Variants in ERC2 observed in about 807,000 individuals in gnomAD.
ERC2 encodes ERC protein 2.
In ERC2, 42 loss-of-function variants were observed where a neutral mutation model predicts 114.8. The ratio of observed to expected loss-of-function variants is 0.37; its 90% confidence interval spans 0.29 to 0.47. The LOEUF (loss-of-function observed/expected upper bound fraction) is 0.47. Ranked by LOEUF, ERC2 falls within the 20% of genes least tolerant of loss-of-function variation. The pLI, the probability that ERC2 is intolerant of heterozygous loss-of-function variation, is 0.99. For missense variants in ERC2, 939 were observed against 1,150.7 expected (o/e 0.82, Z 2.66); for synonymous variants, 454 against 425.5 (o/e 1.07, Z -0.82).
intron 12 of ERC2, among the ~76,000 whole-genome samples, chr3:55,976,282 G>A (rs1358563393): frequency 1.3e-5 from 2 of 152,112 alleles, no homozygotes; most frequent in Non-Finnish European, 2.9e-5. Context: ...GAAGAGTACG[G>A]AAAACCCATC....
chr3:56,402,085 A>T (rs193251631), intron 2 of ERC2, among the ~76,000 whole-genome samples: 1 of 152,268 alleles, frequency 6.6e-6, no homozygotes, highest in Admixed American at 6.5e-5. Context: ...AGTATAGGGG[A>T]ACCACCCCCA....
At chr3:55,813,543 T>C (rs1367735096) in intron 14 of ERC2, among the ~76,000 whole-genome samples, 1 of 152,202 alleles carries the variant, frequency 6.6e-6, no homozygotes, top group Non-Finnish European at 1.5e-5. Flanking sequence ...TTACAGAATC[T>C]GTGCTCAGGA....
At chr3:56,311,207 AG>A (rs2056516955) in intron 2 of ERC2, among the ~76,000 whole-genome samples, 1 of 140,800 alleles carries the variant, frequency 7.1e-6, no homozygotes, top group African/African-American at 2.7e-5. Flanking sequence ...AGATGAAATC[AG>A]TGTTCTTGGG....
intron 14 of ERC2, among the ~76,000 whole-genome samples, chr3:55,865,519 G>C (rs2062266849): frequency 6.6e-6 from 1 of 151,954 alleles, no homozygotes; most frequent in South Asian, 2.1e-4. Context: ...ATGAGTTTTT[G>C]TACATTCACA....
At chr3:56,212,558 G>C (rs942028597) in intron 3 of ERC2, among the ~76,000 whole-genome samples, 4 of 152,138 alleles carry the variant, frequency 2.6e-5, no homozygotes, top group African/African-American at 9.6e-5. Context: ...ATTCCTTAAA[G>C]AACTAAAAGT....
chr3:55,949,073 G>T (rs1423727514), intron 13 of ERC2, among the ~76,000 whole-genome samples: 1 of 152,054 alleles, frequency 6.6e-6, no homozygotes, highest in Non-Finnish European at 1.5e-5. Flanking sequence ...CGTCTTTAAA[G>T]TTCTGGGCCC....
chr3:55,539,425 T>C (rs955510464), intron 17 of ERC2, among the ~76,000 whole-genome samples: 15 of 110,276 alleles, frequency 1.4e-4, no homozygotes, highest in African/African-American at 1.9e-4. Context: ...CTTTTTTTTT[T>C]TTTTTTTTTT....
chr3:55,676,921 C>T (rs1037483799), intron 17 of ERC2, among the ~76,000 whole-genome samples: 7 of 152,260 alleles, frequency 4.6e-5, no homozygotes, highest in African/African-American at 1.7e-4. Context: ...AGCCAGATTT[C>T]AGGTCCTCAG....
chr3:55,705,327 C>T (rs895078348), intron 15 of ERC2, among the ~76,000 whole-genome samples: 11 of 152,046 alleles, frequency 7.2e-5, no homozygotes, highest in African/African-American at 2.7e-4. Context: ...AGTAAAGTGG[C>T]CCTCCAATCA....
chr3:55,768,328 G>A (rs888289922), intron 14 of ERC2, among the ~76,000 whole-genome samples: 4 of 152,196 alleles, frequency 2.6e-5, no homozygotes, highest in Non-Finnish European at 4.4e-5. Flanking sequence ...CCATAAGTCA[G>A]TGCCTTCACA....
At chr3:55,637,034 G>A (rs1436027927) in intron 17 of ERC2, among the ~76,000 whole-genome samples, 7 of 152,124 alleles carry the variant, frequency 4.6e-5, no homozygotes, top group Non-Finnish European at 7.4e-5. Flanking sequence ...AGGTGTGCCC[G>A]TTCACTCCTG....
Position 56,199,096 on chromosome 3 carries a change from T to G in ERC2, c.1075-25576A>C, listed in dbSNP as rs186600527. Among the ~76,000 whole-genome samples the G allele has an allele frequency of 2.2e-4, 34 of 152,310 alleles. 1 individual carries two copies. The highest frequency in any genetic ancestry group is 5.9e-4 in the Admixed American group (9 of 15,294). ...CGGTAAACAAGAAAGACATGGTACC[T>G]ATGCATGATCTGTTGGGTAAGGCAG... On this transcript the variant is annotated intron_variant, in intron 3 of 17. Coordinates refer to ENST00000288221, the MANE Select transcript of ERC2 (RefSeq NM_015576.3).
intron 17 of ERC2, among the ~76,000 whole-genome samples, chr3:55,590,878 G>A (rs1298442063): frequency 1.3e-5 from 2 of 152,050 alleles, no homozygotes; most frequent in Non-Finnish European, 2.9e-5. Context: ...GCCCAGGCTG[G>A]AGTGCAATGG....
chr3:56,416,688 ATC>A (rs1207374208), intron 2 of ERC2, among the ~76,000 whole-genome samples: 3 of 146,628 alleles, frequency 2.0e-5, no homozygotes, highest in East Asian at 2.0e-4. Flanking sequence ...AAAACTCCTG[ATC>A]TCTCTCTCTA....
intron 3 of ERC2, among the ~76,000 whole-genome samples, chr3:56,241,162 T>C (rs562894624): frequency 6.6e-6 from 1 of 152,082 alleles, no homozygotes; most frequent in Non-Finnish European, 1.5e-5. Context: ...TGAAAAGGAC[T>C]GATATCCAGA....
intron 13 of ERC2, among the ~76,000 whole-genome samples, chr3:55,889,127 G>A (rs1306192370): frequency 6.6e-6 from 1 of 152,116 alleles, no homozygotes; most frequent in Non-Finnish European, 1.5e-5. Flanking sequence ...TTGAAGGAAG[G>A]CAACACTCAA....
intron 1 of ERC2, chr3:56,467,122 C>T (rs1356234547): frequency 6.6e-6 from 1 of 152,254 alleles, no homozygotes; most frequent in Non-Finnish European, 1.5e-5. Flanking sequence ...CTGCCTCTCA[C>T]AGCTGTATCC....
At chr3:56,332,626 C>T (rs984755211) in intron 2 of ERC2, among the ~76,000 whole-genome samples, 2 of 152,156 alleles carry the variant, frequency 1.3e-5, no homozygotes, top group African/African-American at 4.8e-5. Flanking sequence ...AGAGTCGAAC[C>T]CTTCATGGGC....
At chr3:56,183,823 T>C (rs745634307) in intron 3 of ERC2, among the ~76,000 whole-genome samples, 9 of 152,090 alleles carry the variant, frequency 5.9e-5, no homozygotes, top group Middle Eastern at 6.8e-3. Flanking sequence ...TGCTGAGAGA[T>C]GAGATCCAAG....
Sources: gnomAD v4.1 joint callset for allele counts (sites outside exome capture counted in the v4.1 genomes callset) on GRCh38, gnomAD v4.1.1 for gene constraint, MANE v1.5 for transcripts, NCBI Gene and HGNC (gene_info 2026-07-23, HGNC 2026-07-21) for gene names.